Variants in GLRA1 observed in about 807,000 individuals in gnomAD.
GLRA1 encodes the protein glycine receptor alpha 1, also known as glycine receptor subunit alpha-1.
A neutral mutation model predicts 48.3 loss-of-function variants in GLRA1; 37 were observed. That is an observed-to-expected ratio of 0.77 (90% CI 0.59 to 1.01). The LOEUF (loss-of-function observed/expected upper bound fraction) is 1.01, where lower values mean the gene tolerates loss of function less well. Ranked by LOEUF, GLRA1 falls within the 50% of genes least tolerant of loss-of-function variation. The pLI is 0.00. For missense variants in GLRA1, 427 were observed against 571.0 expected, an observed-to-expected ratio of 0.75 and a Z score of 2.57; for synonymous variants, 196 against 210.7, an observed-to-expected ratio of 0.93 and a Z score of 0.60.
chr5:151,853,692 T>G (rs1317655961), intron 6 of GLRA1, among the ~76,000 whole-genome samples: 1 of 152,226 alleles, frequency 6.6e-6, no homozygotes, highest in East Asian at 1.9e-4. Context: ...TGTCTTTTGA[T>G]GCACTTTTAA....
In GLRA1 at chr5:151,908,820, G is replaced by A. The variant is rs74506741; in HGVS notation, c.56+15674C>T. On this transcript the variant is annotated intron_variant, in intron 1 of 8. Coordinates refer to ENST00000274576, the MANE Select transcript of GLRA1 (RefSeq NM_000171.4). ...TTCTTCCCATTGTGGCTGTGATTTGGGGTGAGCCCCTCAATTTTCCTCCTC... is the reference window on the plus strand; with the variant it reads ...TTCTTCCCATTGTGGCTGTGATTTGAGGTGAGCCCCTCAATTTTCCTCCTC... Among the ~76,000 whole-genome samples the A allele has an allele frequency of 5.4e-3, 823 of 152,230 alleles. 9 individuals are homozygous for A. The highest frequency in any genetic ancestry group is 0.019 in the African/African-American group (773 of 41,524).
intron 5 of GLRA1, among the ~76,000 whole-genome samples, chr5:151,855,533 GC>G (rs1334097998): frequency 6.6e-6 from 1 of 151,866 alleles, no homozygotes; most frequent in Non-Finnish European, 1.5e-5. Flanking sequence ...TCTATTGCAC[GC>G]TCTCTTGGTG....
At chr5:151,902,099 T>C (rs1433628776) in intron 1 of GLRA1, among the ~76,000 whole-genome samples, 1 of 152,224 alleles carries the variant, frequency 6.6e-6, no homozygotes, top group Non-Finnish European at 1.5e-5. Flanking sequence ...TTGGAAAATA[T>C]AGGTTGGGAA....
intron 1 of GLRA1, among the ~76,000 whole-genome samples, chr5:151,915,137 T>C (rs1160869257): frequency 1.3e-5 from 2 of 152,224 alleles, no homozygotes; most frequent in Non-Finnish European, 2.9e-5. Context: ...TAATAGAACA[T>C]AATAGTATTT....
chr5:151,879,424 G>A (rs775521502), intron 3 of GLRA1, among the ~76,000 whole-genome samples: 8 of 151,484 alleles, frequency 5.3e-5, no homozygotes, highest in Non-Finnish European at 1.2e-4. Flanking sequence ...GCACCATCTC[G>A]GCTCACTGCA....
chr5:151,832,432 A>G (rs1470522203), intron 7 of GLRA1, among the ~76,000 whole-genome samples: 1 of 152,214 alleles, frequency 6.6e-6, no homozygotes, highest in Admixed American at 6.5e-5. Context: ...TAACTAGAAT[A>G]ACAAGCTTAG....
chr5:151,840,519 ATTAAT>A (rs1303081811), intron 7 of GLRA1, among the ~76,000 whole-genome samples: 10 of 152,314 alleles, frequency 6.6e-5, no homozygotes, highest in Non-Finnish European at 1.2e-4. Context: ...TTTTTATTAC[ATTAAT>A]TAAATTAAGT....
At chr5:151,832,802 C>T (rs1463703919) in intron 7 of GLRA1, among the ~76,000 whole-genome samples, 2 of 152,064 alleles carry the variant, frequency 1.3e-5, no homozygotes, top group Non-Finnish European at 2.9e-5. Context: ...CAGAGAACAC[C>T]ACAAAGATAC....
At chr5:151,915,881 G>A (rs1399809828) in intron 1 of GLRA1, among the ~76,000 whole-genome samples, 1 of 152,144 alleles carries the variant, frequency 6.6e-6, no homozygotes, top group African/African-American at 2.4e-5. Flanking sequence ...ATCAAGGACA[G>A]AGAAATAAAT....
At chr5:151,893,335 TC>T (rs1754143055) in intron 1 of GLRA1, among the ~76,000 whole-genome samples, 1 of 150,378 alleles carries the variant, frequency 6.6e-6, no homozygotes, top group African/African-American at 2.5e-5. Flanking sequence ...TTTCTTTCTT[TC>T]TTTCTTTCTT....
chr5:151,911,590 C>A (rs1411373492), intron 1 of GLRA1, among the ~76,000 whole-genome samples: 2 of 150,894 alleles, frequency 1.3e-5, no homozygotes, highest in Non-Finnish European at 3.0e-5. Flanking sequence ...TGATTGATTC[C>A]CAAGCTAGAG....
chr5:151,840,906 CAATA>C (rs1187374475), intron 7 of GLRA1, among the ~76,000 whole-genome samples: 1 of 152,052 alleles, frequency 6.6e-6, no homozygotes, highest in Non-Finnish European at 1.5e-5. Flanking sequence ...TGAATTGAAG[CAATA>C]AATAGATAAT....
At chr5:151,859,707 T>C in intron 4 of GLRA1, 78 bp downstream of exon 4, 1 of 1,096,330 alleles carries the variant, frequency 9.1e-7, no homozygotes, top group South Asian at 1.3e-5. Context: ...TTGGCCCCTC[T>C]TTTAGAGTCT....
chr5:151,883,339 A>G (rs185150743), intron 3 of GLRA1, among the ~76,000 whole-genome samples: 3 of 152,214 alleles, frequency 2.0e-5, no homozygotes, highest in Non-Finnish European at 4.4e-5. Flanking sequence ...ATGCACTTAG[A>G]CTGTTGCTTA....
intron 7 of GLRA1, among the ~76,000 whole-genome samples, chr5:151,833,949 C>T (rs1378252283): frequency 6.6e-6 from 1 of 152,102 alleles, no homozygotes; most frequent in Non-Finnish European, 1.5e-5. Flanking sequence ...AATACATATG[C>T]ACCCCATATA....
Position 151,856,293 on chromosome 5 carries a change from A to G in GLRA1, c.559+8T>C. On this transcript the variant is annotated splice_region_variant and intron_variant, in intron 5 of 8. Transcript: ENST00000274576. ...GTTCTTTCTAGAGGACTCATGCAAG[A>G]CACTCACAGCTTTCCAGTTGCATGA... 6.3e-7 allele frequency: 1 copy of G among 1,593,704 alleles called. No individual in the cohort carries two copies.
rs370730368 is a variant in GLRA1 at position 151,912,262 on chromosome 5, G to GTTTTTTTTTTTTTTTTTTTTT, written c.56+12231_56+12232insAAAAAAAAAAAAAAAAAAAAA. Among the ~76,000 whole-genome samples, 2 of 121,640 alleles carry GTTTTTTTTTTTTTTTTTTTTT rather than the reference G, an allele frequency of 1.6e-5. 1 individual carries two copies. 79.8% of individuals were successfully genotyped at this position (121,640 alleles called of 152,430 possible). A position where few individuals can be genotyped will look rare whatever the true frequency, so the allele number is the denominator to read the frequency against. On this transcript the variant is annotated intron_variant, in intron 1 of 8. Transcript: ENST00000274576. ...CTCTTATTTGGCTCCTGTGAAGACT[G>GTTTTTTTTTTTTTTTTTTTTT]TTTTTTTTTTTTTTTTTTCTACTAG...
intron 7 of GLRA1, among the ~76,000 whole-genome samples, chr5:151,846,326 A>C (rs1278899695): frequency 6.6e-6 from 1 of 152,208 alleles, no homozygotes; most frequent in Non-Finnish European, 1.5e-5. Flanking sequence ...TCTAGTGTAA[A>C]CCATAGGTAG....
At chr5:151,855,251 G>A in intron 5 of GLRA1, 74 bp from the exon 6 acceptor site, 2 of 1,444,230 alleles carry the variant, frequency 1.4e-6, no homozygotes, top group Admixed American at 1.7e-5. Flanking sequence ...ATTGGTTAGG[G>A]TTAGAGACTG....
Sources: gnomAD v4.1 joint callset for allele counts (sites outside exome capture counted in the v4.1 genomes callset) on GRCh38, gnomAD v4.1.1 for gene constraint, MANE v1.5 for transcripts, NCBI Gene and HGNC (gene_info 2026-07-23, HGNC 2026-07-21) for gene names.